The following PARD3B variants were observed in gnomAD, a reference collection of about 807,000 sequenced individuals.
PARD3B encodes the protein par-3 family cell polarity regulator beta.
Under a neutral mutation model 130.2 loss-of-function variants are expected in PARD3B, and 103 were observed. That is an observed-to-expected ratio of 0.79 (90% CI 0.67 to 0.93). The LOEUF is 0.93. PARD3B is among the 40% of genes least tolerant of loss of function. The pLI is 0.00. For missense variants in PARD3B, 1,609 were observed against 1,499.2 expected, an observed-to-expected ratio of 1.07 and a Z score of -1.21; for synonymous variants, 583 against 553.2, an observed-to-expected ratio of 1.05 and a Z score of -0.76.
intron 3 of PARD3B, among the ~76,000 whole-genome samples, chr2:204,975,049 C>T (rs1473303872): frequency 3.9e-5 from 6 of 151,962 alleles, no homozygotes; most frequent in Non-Finnish European, 8.8e-5. Context: ...TCATATATAA[C>T]GATTGTTCTA....
chr2:205,221,320 C>T (rs186454270), intron 15 of PARD3B, among the ~76,000 whole-genome samples: 20 of 152,258 alleles, frequency 1.3e-4, no homozygotes, highest in African/African-American at 3.1e-4. Flanking sequence ...GCATGGTGCC[C>T]GATGTACCAC....
At chr2:205,184,405 C>G (rs2035975705) in intron 13 of PARD3B, among the ~76,000 whole-genome samples, 1 of 152,110 alleles carries the variant, frequency 6.6e-6, no homozygotes, top group Non-Finnish European at 1.5e-5. Context: ...AATAATAATC[C>G]TCTGTTTACT....
At chr2:204,833,002 C>T (rs957045182) in intron 2 of PARD3B, among the ~76,000 whole-genome samples, 6 of 152,074 alleles carry the variant, frequency 3.9e-5, no homozygotes, top group Admixed American at 6.6e-5. Context: ...AAAGAAAAAG[C>T]GTTGTTCTAA....
At chr2:205,255,875 G>C (rs2040061965) in intron 16 of PARD3B, among the ~76,000 whole-genome samples, 1 of 152,068 alleles carries the variant, frequency 6.6e-6, no homozygotes, top group South Asian at 2.1e-4. Context: ...TCCGTAAGTA[G>C]GTAGGATTGA....
At chr2:205,519,333 GCT>G (rs2050933118) in intron 21 of PARD3B, among the ~76,000 whole-genome samples, 1 of 152,122 alleles carries the variant, frequency 6.6e-6, no homozygotes, top group Non-Finnish European at 1.5e-5. Flanking sequence ...CAGTCTTCAA[GCT>G]CTGAGATTCT....
At chr2:204,997,511 A>T (rs10932092) in intron 3 of PARD3B, among the ~76,000 whole-genome samples, 60,556 of 151,160 alleles carry the variant, frequency 0.4, 12,423 homozygotes, top group Admixed American at 0.49. Flanking sequence ...TATTATAAAG[A>T]AAGTTACTAA....
At chr2:205,418,827 A>G (rs910494042) in intron 19 of PARD3B, among the ~76,000 whole-genome samples, 1 of 152,170 alleles carries the variant, frequency 6.6e-6, no homozygotes, top group African/African-American at 2.4e-5. Context: ...CTGACAGAAT[A>G]TAGTAAAAAG....
At chr2:205,429,631 G>A (rs189187023) in intron 19 of PARD3B, among the ~76,000 whole-genome samples, 19 of 152,202 alleles carry the variant, frequency 1.2e-4, no homozygotes, top group South Asian at 2.1e-4. Context: ...ACTGTACTTT[G>A]TTATGTTAAA....
chr2:205,391,222 G>A (rs368423837), intron 18 of PARD3B, among the ~76,000 whole-genome samples: 9 of 152,240 alleles, frequency 5.9e-5, no homozygotes, highest in Non-Finnish European at 8.8e-5. Flanking sequence ...AAAGGAGGTA[G>A]AGAAAAGGGA....
At chr2:204,555,383 C>A (rs1374883718) in intron 1 of PARD3B, among the ~76,000 whole-genome samples, 1 of 152,016 alleles carries the variant, frequency 6.6e-6, no homozygotes, top group Non-Finnish European at 1.5e-5. Context: ...CATGGTGAAA[C>A]CCCGTCTCTA....
At chr2:205,406,817 C>T (rs767848523) in intron 19 of PARD3B, among the ~76,000 whole-genome samples, 18 of 151,664 alleles carry the variant, frequency 1.2e-4, no homozygotes, top group Admixed American at 7.9e-4. Flanking sequence ...ACTACAGGCA[C>T]GCGCCACCAT....
chr2:204,561,276 AT>A (rs2031291009), intron 1 of PARD3B, among the ~76,000 whole-genome samples: 2 of 152,228 alleles, frequency 1.3e-5, no homozygotes, highest in East Asian at 3.8e-4. Flanking sequence ...GTGCTCAGAA[AT>A]AAAAGTTGTT....
intron 18 of PARD3B, among the ~76,000 whole-genome samples, chr2:205,363,795 G>T (rs1047624362): frequency 1.3e-5 from 2 of 149,874 alleles, no homozygotes; most frequent in Non-Finnish European, 2.9e-5. Context: ...CTTCTAAGTA[G>T]CTGGGACTAC....
rs77282524 is a variant in PARD3B, at chr2:205,524,291, T to C, written c.3180+24260T>C. ...TTAAATGAGGTGATTGAAGTCTCCT[T>C]GATTCTCATCACCTTACATCTGAAG... On this transcript the variant is annotated intron_variant, in intron 21 of 22. Transcript: ENST00000406610. Among the ~76,000 whole-genome samples, 554 of 152,276 alleles carry C rather than the reference T, an allele frequency of 3.6e-3. 7 individuals are homozygous for C. The highest frequency in any genetic ancestry group is 0.013 in the African/African-American group (531 of 41,556).
At position 205,206,669 on chromosome 2, in the gene PARD3B, A is replaced by G. The variant is rs1044140869; in HGVS notation, c.2140+13349A>G. 5.9e-5 allele frequency among the ~76,000 whole-genome samples: 9 copies of G among 152,016 alleles called. No individual in the cohort carries two copies. In the East Asian group the frequency reaches 1.2e-3, roughly 20 times the overall value. The stretch of plus-strand genomic sequence containing the variant: ...CTTTGCTATTGTGAATAATGCCGCA[A>G]TAAACATACGTGTGCATGTGTCTTT... On this transcript the variant is annotated intron_variant, in intron 15 of 22. Coordinates refer to ENST00000406610, the MANE Select transcript of PARD3B (RefSeq NM_001302769.2).
intron 1 of PARD3B, among the ~76,000 whole-genome samples, chr2:204,674,270 G>A (rs1281398931): frequency 6.6e-6 from 1 of 152,142 alleles, no homozygotes. Context: ...GCGTTAGTTA[G>A]GTCGAGAAAT....
At chr2:205,196,974 A>C (rs896035940) in intron 15 of PARD3B, among the ~76,000 whole-genome samples, 8 of 150,712 alleles carry the variant, frequency 5.3e-5, no homozygotes, top group Admixed American at 1.3e-4. Context: ...GGACTGTACA[A>C]TCAGCTAATC....
At chr2:204,973,101 T>C (rs1438365198) in intron 3 of PARD3B, among the ~76,000 whole-genome samples, 8 of 152,106 alleles carry the variant, frequency 5.3e-5, no homozygotes, top group Non-Finnish European at 1.2e-4. Flanking sequence ...ACCATCGTCC[T>C]CCCTTGCAGC....
chr2:204,683,331 AT>A (rs527901214), intron 1 of PARD3B, among the ~76,000 whole-genome samples: 54 of 152,164 alleles, frequency 3.5e-4, no homozygotes, highest in East Asian at 7.7e-4. Context: ...AAATATAGTA[AT>A]TTTTTCCCAG....
Sources: allele counts gnomAD v4.1 joint callset (sites outside exome capture counted in the v4.1 genomes callset), GRCh38; gene constraint gnomAD v4.1.1; transcripts MANE v1.5; gene names NCBI Gene and HGNC (gene_info 2026-07-23, HGNC 2026-07-21).